LHX9: variants seen among roughly 807,000 people sequenced by gnomAD.
LHX9 encodes LIM/homeobox protein Lhx9.
A neutral mutation model predicts 36.5 loss-of-function variants in LHX9; 9 were observed. That is an observed-to-expected ratio of 0.25 (90% CI 0.15 to 0.43). LHX9 has a LOEUF of 0.43. LHX9 is among the 20% of genes least tolerant of loss of function. LHX9 has a pLI of 1.00. For missense variants in LHX9, 464 were observed against 526.4 expected, an observed-to-expected ratio of 0.88 and a Z score of 1.16; for synonymous variants, 211 against 212.1, an observed-to-expected ratio of 0.99 and a Z score of 0.04.
At chr1:197,922,402 A>G (rs561338606) in intron 3 of LHX9, among the ~76,000 whole-genome samples, 4 of 152,154 alleles carry the variant, frequency 2.6e-5, no homozygotes, top group Non-Finnish European at 5.9e-5. Context: ...CTCTTCATTA[A>G]AAACAACATG....
In LHX9 at chr1:197,935,367, T is replaced by A. The variant is rs1660425105; in HGVS notation, c.*6108T>A. ...CACATATTAGAATTGTCAGGAAAGTTTTTTTCTTTTGGAACTTTCTGTTTA... is the reference window on the plus strand; with the variant it reads ...CACATATTAGAATTGTCAGGAAAGTATTTTTCTTTTGGAACTTTCTGTTTA... On this transcript the variant is annotated 3_prime_UTR_variant, in exon 5 of 5. Transcript: ENST00000367387. 1 of 152,174 alleles carries A rather than the reference T, an allele frequency of 6.6e-6. No homozygotes were observed. The highest frequency in any genetic ancestry group is 1.5e-5 in the Non-Finnish European group (1 of 68,016). The allele number at this position is 152,174 out of a possible 1,614,324, so 9.4% of individuals were successfully genotyped here. A position where few individuals can be genotyped will look rare whatever the true frequency, so the allele number is the denominator to read the frequency against.
rs2102604322 is a variant in LHX9, at chr1:197,930,311, T to G, written c.*1052T>G. 1 of 154,908 alleles carries G rather than the reference T, an allele frequency of 6.5e-6. No individual in the cohort carries two copies. The highest frequency in any genetic ancestry group is 1.4e-5 in the Non-Finnish European group (1 of 70,374). 9.6% of individuals were successfully genotyped at this position (154,908 alleles called of 1,614,324 possible). A position where few individuals can be genotyped will look rare whatever the true frequency, so the allele number is the denominator to read the frequency against. On this transcript the variant is annotated 3_prime_UTR_variant, in exon 5 of 5. Coordinates refer to ENST00000367387, the MANE Select transcript of LHX9 (RefSeq NM_020204.3). ...TTGACTTATGTATTGAAAATAATTT[T>G]TCTGATATTAGAGATTTGAAGTTAT...
upstream of LHX9, chr1:197,916,533 C>A (rs1032186864): frequency 1.1e-5 from 7 of 614,844 alleles, no homozygotes; most frequent in South Asian, 5.8e-5. Flanking sequence ...TCTCCGGCAA[C>A]CTTCCTTCAA....
intron 3 of LHX9, among the ~76,000 whole-genome samples, chr1:197,925,646 G>C (rs1660122105): frequency 6.6e-6 from 1 of 152,158 alleles, no homozygotes; most frequent in Non-Finnish European, 1.5e-5. Flanking sequence ...GGATATGAAA[G>C]TGCAATTCTG....
intron 3 of LHX9, 112 bp from the exon 4 acceptor site, chr1:197,927,479 A>C (rs576972852): frequency 1.1e-6 from 1 of 893,264 alleles, no homozygotes; most frequent in Admixed American, 1.8e-5. Context: ...TTGGGTTGAC[A>C]ACCTTTTTCA....
At position 197,931,849 on chromosome 1, in the gene LHX9, A is replaced by G; in HGVS notation, c.*2590A>G. On this transcript the variant is annotated 3_prime_UTR_variant, in exon 5 of 5. Transcript: ENST00000367387. ...CACAAATGGATATTTGTAAATCTAA[A>G]TAGAAATTGCAGACCCCTAAAAGCC... 2.0e-6 allele frequency: 2 copies of G among 1,011,084 alleles called. No homozygotes were observed. Among genetic ancestry groups the G allele is most frequent in the Non-Finnish European group, 3.0e-6 (2 of 664,362 alleles). 62.6% of individuals were successfully genotyped at this position (1,011,084 alleles called of 1,614,324 possible). A position where few individuals can be genotyped will look rare whatever the true frequency, so the allele number is the denominator to read the frequency against.
At chr1:197,913,177 T>A (rs1207816659), upstream of LHX9, 1 of 153,018 alleles carries the variant, frequency 6.5e-6, no homozygotes, top group South Asian at 2.1e-4. Flanking sequence ...CAGGCCCCTT[T>A]GGGGAGAAGA....
chr1:197,917,874 C>G lies in LHX9; in HGVS notation c.51C>G (p.Pro17=). Residue 17 remains proline (P), a synonymous_variant, in exon 1 of 5, where the codon CCC becomes CCG. Coordinates refer to ENST00000367387, the MANE Select transcript of LHX9 (RefSeq NM_020204.3). Reference sequence around the variant, plus strand: ...AAGACAACTCGTGTCCTTTCCGCCCCCCAGCCATGCTCTTTCACGGGATCT... The same window carrying G: ...AAGACAACTCGTGTCCTTTCCGCCCGCCAGCCATGCTCTTTCACGGGATCT... ...RAEDNSCPFR[P]PAMLFHGISG... 6.2e-7 allele frequency: 1 copy of G among 1,614,248 alleles called. No homozygotes were observed. Among genetic ancestry groups the G allele is most frequent in the Non-Finnish European group, 8.5e-7 (1 of 1,180,042 alleles).
rs1660188738 is a variant in LHX9 at position 197,927,697 on chromosome 1, G to A, written c.840G>A (p.Arg280=). The change falls in exon 4 of 5, where the codon CGG becomes CGA. Residue 280 remains arginine (R), a synonymous_variant. Transcript: ENST00000367387. ...CCTCTTTCAAGCATCACCAGCTCCG[G>A]ACCATGAAATCCTACTTTGCCATCA... ...MRTSFKHHQL[R]TMKSYFAINH... is the part of the protein sequence containing the mutation. 6.2e-7 allele frequency: 1 copy of A among 1,614,134 alleles called. No homozygotes were observed. Among genetic ancestry groups the A allele is most frequent in the Non-Finnish European group, 8.5e-7 (1 of 1,180,030 alleles).
In LHX9 at chr1:197,934,001, T is replaced by G. The variant is rs1423851491; in HGVS notation, c.*4742T>G. ...TAGTCTAACTTCTGGCAGATTGATCTTGGGCAAAAAGCTTCACTGAGAGTT... is the reference window on the plus strand; with the variant it reads ...TAGTCTAACTTCTGGCAGATTGATCGTGGGCAAAAAGCTTCACTGAGAGTT... On this transcript the variant is annotated 3_prime_UTR_variant, in exon 5 of 5. Coordinates refer to ENST00000367387, the MANE Select transcript of LHX9 (RefSeq NM_020204.3). 2 of 152,164 alleles carry G rather than the reference T, an allele frequency of 1.3e-5. No individual in the cohort carries two copies. Among genetic ancestry groups the G allele is most frequent in the Non-Finnish European group, 2.9e-5 (2 of 68,020 alleles). 9.4% of individuals were successfully genotyped at this position (152,164 alleles called of 1,614,324 possible).
At chr1:197,928,059 A>G (rs4915134) in intron 4 of LHX9, among the ~76,000 whole-genome samples, 6,024 of 152,234 alleles carry the variant, frequency 0.04, 163 homozygotes, top group South Asian at 0.094. Context: ...AGCTTGTCTC[A>G]CTGCTGTGCA....
rs562395438 is a variant in LHX9, at chr1:197,931,780, C to G, written c.*2521C>G. The G allele has an allele frequency of 1.7e-6, 1 of 590,080 alleles. No individual in the cohort carries two copies. Among genetic ancestry groups the G allele is most frequent in the African/African-American group, 1.9e-5 (1 of 53,674 alleles). The allele number at this position is 590,080 out of a possible 1,614,324, so 36.6% of individuals were successfully genotyped here. On this transcript the variant is annotated 3_prime_UTR_variant, in exon 5 of 5. Coordinates refer to ENST00000367387, the MANE Select transcript of LHX9 (RefSeq NM_020204.3). ...TAGCATATAAAGTAATTGCATGGAA[C>G]GAAACCTTAAATATGATTAAGATTT...
At chr1:197,914,002 C>A (rs1659683302), upstream of LHX9, among the ~76,000 whole-genome samples, 1 of 152,196 alleles carries the variant, frequency 6.6e-6, no homozygotes. Context: ...GTAGACCCAC[C>A]TGAGCCGGCG....
At chr1:197,922,823 A>G (rs1487540433) in intron 3 of LHX9, among the ~76,000 whole-genome samples, 1 of 152,184 alleles carries the variant, frequency 6.6e-6, no homozygotes, top group Non-Finnish European at 1.5e-5. Context: ...AAGCATGGGC[A>G]TCTCAGAGCA....
rs1375452758 is a variant in LHX9 at position 197,917,570 on chromosome 1, T to C, written c.-254T>C. The C allele has an allele frequency of 3.4e-6, 5 of 1,491,380 alleles. No individual in the cohort carries two copies. Among genetic ancestry groups the C allele is most frequent in the Non-Finnish European group, 4.5e-6 (5 of 1,112,012 alleles). The allele number at this position is 1,491,380 out of a possible 1,614,324, so 92.4% of individuals were successfully genotyped here. ...AAGATTCGCCTTCTACGCCTCTTTT[T>C]CCCTCCGCCCGAATTGTTTGTTTTC... On this transcript the variant is annotated 5_prime_UTR_variant, in exon 1 of 5. Coordinates refer to ENST00000367387, the MANE Select transcript of LHX9 (RefSeq NM_020204.3).
Position 197,931,926 on chromosome 1 carries a change from A to C in LHX9, c.*2667A>C. The C allele has an allele frequency of 6.5e-7, 1 of 1,548,594 alleles. No homozygotes were observed. Among genetic ancestry groups the C allele is most frequent in the Non-Finnish European group, 8.7e-7 (1 of 1,145,484 alleles). On this transcript the variant is annotated 3_prime_UTR_variant, in exon 5 of 5. Transcript: ENST00000367387. ...CACTATGATTTTTTTCAGGGAGAAC[A>C]AATCTTGGGGCATTACAGCCAAACA...
chr1:197,930,055 A>C lies in LHX9; in HGVS notation c.*796A>C. The C allele has an allele frequency of 7.1e-6, 7 of 979,426 alleles. No individual in the cohort carries two copies. The highest frequency in any genetic ancestry group is 8.5e-6 in the Non-Finnish European group (7 of 824,310). 60.7% of individuals were successfully genotyped at this position (979,426 alleles called of 1,614,324 possible). ...CCTAAAGCTAAAAACAATAGCTCGGAAACCATTCTTTCTAGTTACTTTTTT... is the reference window on the plus strand; with the variant it reads ...CCTAAAGCTAAAAACAATAGCTCGGCAACCATTCTTTCTAGTTACTTTTTT... On this transcript the variant is annotated 3_prime_UTR_variant, in exon 5 of 5. Coordinates refer to ENST00000367387, the MANE Select transcript of LHX9 (RefSeq NM_020204.3).
intron 4 of LHX9, 89 bp downstream of exon 4, chr1:197,927,882 T>C: frequency 4.4e-6 from 5 of 1,136,250 alleles, no homozygotes; most frequent in Non-Finnish European, 6.5e-6. Flanking sequence ...GTGACGCAGA[T>C]ATTTCCTATA....
In LHX9 at chr1:197,934,821, T is replaced by C. The variant is rs1369198101; in HGVS notation, c.*5562T>C. 1 of 152,110 alleles carries C rather than the reference T, an allele frequency of 6.6e-6. No individual in the cohort carries two copies. The highest frequency in any genetic ancestry group is 2.4e-5 in the African/African-American group (1 of 41,406). 9.4% of individuals were successfully genotyped at this position (152,110 alleles called of 1,614,324 possible). A position where few individuals can be genotyped will look rare whatever the true frequency, so the allele number is the denominator to read the frequency against. ...TTACTGTTGATTTTAAACATTTTAA[T>C]AATAGTGCTCTGCCCTCACAACAGT... On this transcript the variant is annotated 3_prime_UTR_variant, in exon 5 of 5. Transcript: ENST00000367387.
Sources: gnomAD v4.1 joint callset for allele counts (sites outside exome capture counted in the v4.1 genomes callset) on GRCh38, gnomAD v4.1.1 for gene constraint, MANE v1.5 for transcripts, NCBI Gene and HGNC (gene_info 2026-07-23, HGNC 2026-07-21) for gene names.